The following GTF2I variants were observed in gnomAD, a reference collection of about 807,000 sequenced individuals.
GTF2I encodes the protein general transcription factor II-I.
In GTF2I, 12 loss-of-function variants were observed where a neutral mutation model predicts 67.6. The ratio of observed to expected loss-of-function variants is 0.18; its 90% CI spans 0.11 to 0.29. The LOEUF (loss-of-function observed/expected upper bound fraction) is 0.29. Ranked by LOEUF, GTF2I falls within the 10% of genes least tolerant of loss-of-function variation. The probability of loss-of-function intolerance (pLI) is 1.00; values close to 1 mark genes in which losing one functional copy is unlikely to be tolerated. For synonymous variants in GTF2I, 149 were observed against 197.0 expected (o/e 0.76, Z 2.04); for missense variants, 271 against 580.1 (o/e 0.47, Z 5.47).
chr7:74,711,789 G>T (rs1791575638), intron 9 of GTF2I, among the ~76,000 whole-genome samples: 1 of 152,090 alleles, frequency 6.6e-6, no homozygotes, highest in Non-Finnish European at 1.5e-5. Context: ...GATTCCATTT[G>T]ATTGTTGATT....
intron 6 of GTF2I, among the ~76,000 whole-genome samples, chr7:74,702,284 G>A (rs1208198069): frequency 6.6e-6 from 1 of 151,602 alleles, no homozygotes; most frequent in Non-Finnish European, 1.5e-5. Context: ...TTGGAGTGCA[G>A]TGGCATGATC....
chr7:74,666,446 A>G (rs928737232), intron 1 of GTF2I, among the ~76,000 whole-genome samples: 8 of 152,178 alleles, frequency 5.3e-5, no homozygotes, highest in African/African-American at 1.9e-4. Flanking sequence ...TGTCCATATG[A>G]GGAAAGGGCA....
intron 32 of GTF2I, 43 bp downstream of exon 32, chr7:74,756,904 C>G: frequency 4.3e-6 from 1 of 231,998 alleles, no homozygotes; most frequent in South Asian, 5.0e-5. Context: ...CCTGCCTGCA[C>G]AGTGGCACAA....
At chr7:74,692,597 G>A (rs1788430699) in intron 3 of GTF2I, among the ~76,000 whole-genome samples, 1 of 152,144 alleles carries the variant, frequency 6.6e-6, no homozygotes, top group African/African-American at 2.4e-5. Flanking sequence ...AATACCCACA[G>A]CCTTTCACAG....
chr7:74,689,602 C>T (rs1272043247), intron 2 of GTF2I, among the ~76,000 whole-genome samples: 1 of 151,990 alleles, frequency 6.6e-6, no homozygotes, highest in Non-Finnish European at 1.5e-5. Flanking sequence ...GATCCACCTG[C>T]CTCAGCCGCC....
At chr7:74,721,524 A>G (rs6460090) in intron 12 of GTF2I, among the ~76,000 whole-genome samples, 6,086 of 152,076 alleles carry the variant, frequency 0.04, 174 homozygotes, top group Non-Finnish European at 0.064. Flanking sequence ...ATATACACAC[A>G]CACATTTTAT....
intron 1 of GTF2I, among the ~76,000 whole-genome samples, chr7:74,659,822 C>G (rs149702274): frequency 6.6e-6 from 1 of 152,262 alleles, no homozygotes; most frequent in East Asian, 1.9e-4. Context: ...GGAGTACAGG[C>G]TTGAGCCACC....
chr7:74,735,389 GTAA>G, intron 16 of GTF2I, 69 bp from the exon 17 acceptor site: 2 of 130,420 alleles, frequency 1.5e-5, no homozygotes, highest in Non-Finnish European at 1.4e-5. Flanking sequence ...TTATTTTATA[GTAA>G]TAATGTTTAA....
intron 1 of GTF2I, among the ~76,000 whole-genome samples, chr7:74,672,296 C>A (rs1225705587): frequency 6.6e-6 from 1 of 151,956 alleles, no homozygotes; most frequent in East Asian, 1.9e-4. Flanking sequence ...CCCAGCACTT[C>A]GGGAGGCTGA....
chr7:74,690,660 G>A (rs1476081457), intron 2 of GTF2I, among the ~76,000 whole-genome samples: 1 of 152,142 alleles, frequency 6.6e-6, no homozygotes, highest in African/African-American at 2.4e-5. Context: ...AGCTACATCA[G>A]TGTTCAGTGC....
At chr7:74,719,241 A>C (rs963077378) in intron 12 of GTF2I, among the ~76,000 whole-genome samples, 1 of 152,220 alleles carries the variant, frequency 6.6e-6, no homozygotes, top group Non-Finnish European at 1.5e-5. Flanking sequence ...AACAGATTCT[A>C]TAATCTATTG....
chr7:74,740,914 C>G (rs1795054588), intron 19 of GTF2I, among the ~76,000 whole-genome samples: 1 of 6,070 alleles, frequency 1.6e-4, no homozygotes, highest in Non-Finnish European at 2.6e-4. Context: ...TTTCCTCTTT[C>G]TCTCTTTCCC....
intron 5 of GTF2I, 24 bp from the exon 6 acceptor site, chr7:74,700,582 T>G (rs940505286): frequency 1.9e-6 from 3 of 1,612,308 alleles, no homozygotes; most frequent in Non-Finnish European, 2.5e-6. Context: ...ATACGAAGTT[T>G]TGTTTTGTTT....
chr7:74,732,763 G>A, intron 15 of GTF2I, 101 bp downstream of exon 15: 4 of 1,482,260 alleles, frequency 2.7e-6, no homozygotes, highest in Non-Finnish European at 3.6e-6. Flanking sequence ...TCTATGTGAT[G>A]AAGTTTGAGT....
chr7:74,691,219 T>C, intron 3 of GTF2I, 108 bp downstream of exon 3: 1 of 897,380 alleles, frequency 1.1e-6, no homozygotes, highest in Non-Finnish European at 1.6e-6. Context: ...TTTTTTTTTT[T>C]TTTTGAGATG....
chr7:74,687,523 G>A, intron 1 of GTF2I: 2 of 983,610 alleles, frequency 2.0e-6, no homozygotes, highest in Middle Eastern at 5.2e-4. Context: ...ACGCCCAGTG[G>A]ATTATGGTTT....
chr7:74,701,307 A>G (rs782609427), intron 6 of GTF2I, among the ~76,000 whole-genome samples: 11 of 152,220 alleles, frequency 7.2e-5, no homozygotes, highest in Admixed American at 2.0e-4. Flanking sequence ...TCATTGGAAT[A>G]CTTTTAAACA....
intron 8 of GTF2I, among the ~76,000 whole-genome samples, chr7:74,706,796 A>T (rs1382437647): frequency 6.6e-6 from 1 of 151,716 alleles, no homozygotes; most frequent in East Asian, 1.9e-4. Context: ...CCTGTTTTCC[A>T]CTCTCCAAGG....
In GTF2I at chr7:74,689,316, G is replaced by A. The variant is rs368151148; in HGVS notation, c.99+89G>A. 1.6e-4 allele frequency: 80 copies of A among 507,846 alleles called. 1 individual carries two copies. Among genetic ancestry groups the A allele is most frequent in the East Asian group, 1.3e-3 (38 of 29,230 alleles). 31.5% of individuals were successfully genotyped at this position (507,846 alleles called of 1,614,324 possible). On this transcript the variant is annotated intron_variant, in intron 2 of 34. Coordinates refer to ENST00000573035, the MANE Select transcript of GTF2I (RefSeq NM_032999.4). ...GTTTTTGTGGAAGATAGAATTTTAT[G>A]GTTTTTAGTTTTAATGAGTACTTTT...
Sources: allele counts gnomAD v4.1 joint callset (sites outside exome capture counted in the v4.1 genomes callset), GRCh38; gene constraint gnomAD v4.1.1; transcripts MANE v1.5; gene names NCBI Gene and HGNC (gene_info 2026-07-23, HGNC 2026-07-21).